The following DEFB119 variants were observed in gnomAD, a reference collection of about 807,000 sequenced individuals.
DEFB119 encodes the protein defensin beta 119.
DEFB119 carries 3 observed loss-of-function variants against 2.5 expected under a neutral mutation model. The observed-to-expected ratio is 1.19, with a 90% CI of 0.54 to 3.07. The LOEUF (loss-of-function observed/expected upper bound fraction) is 3.07, where lower values mean the gene tolerates loss of function less well. Ranked by LOEUF, DEFB119 falls within the 30% of genes most tolerant of loss-of-function variation. The pLI is 0.03. For missense variants in DEFB119, 113 were observed against 101.1 expected (o/e 1.12, Z -0.50); for synonymous variants, 29 against 33.7 (o/e 0.86, Z 0.48).
chr20:31,383,029 G>C (rs890344770), intron 1 of DEFB119, among the ~76,000 whole-genome samples: 29 of 152,228 alleles, frequency 1.9e-4, no homozygotes, highest in Admixed American at 1.4e-3. Flanking sequence ...CCAGTAAACA[G>C]AGAAAGAAAT....
chr20:31,378,275 C>A, intron 1 of DEFB119: 1 of 1,607,548 alleles, frequency 6.2e-7, no homozygotes, highest in African/African-American at 1.3e-5. Context: ...GACTTGGAGG[C>A]CACACGGGGA....
intron 1 of DEFB119, chr20:31,378,533 A>G: frequency 7.3e-7 from 1 of 1,362,582 alleles, no homozygotes; most frequent in South Asian, 1.4e-5. Flanking sequence ...TTAATGAAAA[A>G]AAAGACAATC....
chr20:31,385,483 A>G (rs1053481728), intron 1 of DEFB119, among the ~76,000 whole-genome samples: 7 of 152,104 alleles, frequency 4.6e-5, no homozygotes, highest in Admixed American at 2.6e-4. Context: ...TAAGTAAGAT[A>G]GAGATAATAA....
In DEFB119 at chr20:31,377,464, T is replaced by C. The variant is rs3817876; in HGVS notation, c.62-25A>G. On this transcript the variant is annotated intron_variant, in intron 1 of 1. Transcript: ENST00000376321. ...CCTGCCAAAGGAAAAAAAATACAAA[T>C]AGTTAATTCACCTAGGAGTGACATA... is the stretch of plus-strand genomic sequence containing the variant. 1,357 of 1,604,000 alleles carry C rather than the reference T, an allele frequency of 8.5e-4. 23 individuals are homozygous for C. The East Asian group carries it at 0.027, about 32-fold the overall frequency.
chr20:31,389,295 G>A (rs1385236846), intron 1 of DEFB119: 12 of 1,604,376 alleles, frequency 7.5e-6, no homozygotes, highest in Non-Finnish European at 1.0e-5. Flanking sequence ...GAAAAGACAA[G>A]GCAGAGGAGG....
chr20:31,381,902 A>G (rs1004663118), intron 1 of DEFB119, among the ~76,000 whole-genome samples: 2 of 152,228 alleles, frequency 1.3e-5, no homozygotes, highest in African/African-American at 4.8e-5. Context: ...ATGTCAAGTG[A>G]CAAAGCTATA....
intron 1 of DEFB119, among the ~76,000 whole-genome samples, chr20:31,386,555 T>C (rs1986709718): frequency 6.6e-6 from 1 of 152,174 alleles, no homozygotes; most frequent in Non-Finnish European, 1.5e-5. Context: ...ATAAACCAGA[T>C]ACAGAAAGAT....
Position 31,377,243 on chromosome 20 carries a change from C to A in DEFB119, c.*3G>T. 1 of 1,606,364 alleles carries A rather than the reference C, an allele frequency of 6.2e-7. No individual in the cohort carries two copies. Among genetic ancestry groups the A allele is most frequent in the Admixed American group, 1.7e-5 (1 of 58,982 alleles). On this transcript the variant is annotated 3_prime_UTR_variant, in exon 2 of 2. Coordinates refer to ENST00000376321, the MANE Select transcript of DEFB119 (RefSeq NM_153289.4). ...AGAGCTTGAGAATGGTAATCACCAG[C>A]ACTCAAGGTAGTCTTGGCCACTGCT... is the stretch of plus-strand genomic sequence containing the variant.
At chr20:31,378,542 T>G in intron 1 of DEFB119, 1 of 1,288,832 alleles carries the variant, frequency 7.8e-7, no homozygotes, top group South Asian at 1.5e-5. Flanking sequence ...AAAAAGACAA[T>G]CAACAGAACT....
At chr20:31,380,028 G>A (rs576242444) in intron 1 of DEFB119, among the ~76,000 whole-genome samples, 1 of 152,208 alleles carries the variant, frequency 6.6e-6, no homozygotes, top group Admixed American at 6.5e-5. Context: ...CAGATATATG[G>A]TTTGAAAATA....
chr20:31,389,269 A>T, intron 1 of DEFB119: 1 of 1,613,216 alleles, frequency 6.2e-7, no homozygotes, highest in Non-Finnish European at 8.5e-7. Flanking sequence ...AGATGTTAGT[A>T]TCCCTCAAGC....
At position 31,377,375 on chromosome 20, in the gene DEFB119, G is replaced by T; in HGVS notation, c.126C>A (p.Asn42Lys). Residue 42 changes from asparagine (N) to lysine (K), a missense_variant, in exon 2 of 2, where the codon AAC (asparagine) becomes AAA (lysine). Physicochemically the swap from Asn to Lys is moderately conservative, Grantham distance 94 (BLOSUM62 0). Coordinates refer to ENST00000376321, the MANE Select transcript of DEFB119 (RefSeq NM_153289.4). ...SGICRASCKK[N>K]EQPYLYCRNC... ...TTCTGCAATAGAGGTAGGGCTGTTCGTTCTTTTTGCAAGAGGCCCTACAAA... is the reference window on the plus strand; with the variant it reads ...TTCTGCAATAGAGGTAGGGCTGTTCTTTCTTTTTGCAAGAGGCCCTACAAA... 1 of 1,614,010 alleles carries T rather than the reference G, an allele frequency of 6.2e-7. No homozygotes were observed. Among genetic ancestry groups the T allele is most frequent in the Non-Finnish European group, 8.5e-7 (1 of 1,179,952 alleles).
chr20:31,384,281 G>T (rs1325422306), intron 1 of DEFB119, among the ~76,000 whole-genome samples: 1 of 152,152 alleles, frequency 6.6e-6, no homozygotes, highest in African/African-American at 2.4e-5. Flanking sequence ...ATAACTAAAA[G>T]AGTATAATTG....
chr20:31,390,641 CAG>C, upstream of DEFB119: 1 of 624,584 alleles, frequency 1.6e-6, no homozygotes, highest in South Asian at 2.1e-5. Flanking sequence ...GGCCAAAGGA[CAG>C]TGTGTAGCAG....
At chr20:31,383,677 G>A (rs566609003) in intron 1 of DEFB119, among the ~76,000 whole-genome samples, 17 of 151,306 alleles carry the variant, frequency 1.1e-4, no homozygotes, top group African/African-American at 2.2e-4. Flanking sequence ...ACCCCATCTC[G>A]ACTAAAAATA....
At chr20:31,383,806 G>C (rs1329576927) in intron 1 of DEFB119, among the ~76,000 whole-genome samples, 1 of 152,066 alleles carries the variant, frequency 6.6e-6, no homozygotes, top group Non-Finnish European at 1.5e-5. Flanking sequence ...TCCCACCACT[G>C]CACTGCAGCC....
chr20:31,388,978 A>C, intron 1 of DEFB119: 1 of 1,601,766 alleles, frequency 6.2e-7, no homozygotes, highest in South Asian at 1.1e-5. Flanking sequence ...CAAATTTGTG[A>C]GTTTTAATGA....
rs1986776745 is a variant in DEFB119 at position 31,388,027 on chromosome 20, C to T, written c.61+2396G>A. ...TTACCGAGCACTCTTGGTCCCTGGC[C>T]TCACTGCAGAGGACGCAGTTCAGGG... is the stretch of plus-strand genomic sequence containing the variant. On this transcript the variant is annotated intron_variant, in intron 1 of 1. Coordinates refer to ENST00000376321, the MANE Select transcript of DEFB119 (RefSeq NM_153289.4). 18 of 982,848 alleles carry T rather than the reference C, an allele frequency of 1.8e-5. No individual in the cohort carries two copies. In the South Asian group the frequency reaches 8.5e-4, roughly 46 times the overall value. 60.9% of individuals were successfully genotyped at this position (982,848 alleles called of 1,614,324 possible). A position where few individuals can be genotyped will look rare whatever the true frequency, so the allele number is the denominator to read the frequency against.
At chr20:31,386,215 T>C (rs1269532818) in intron 1 of DEFB119, among the ~76,000 whole-genome samples, 1 of 152,106 alleles carries the variant, frequency 6.6e-6, no homozygotes. Flanking sequence ...AGAATCCCTC[T>C]AATAATAGAG....
Sources: allele counts gnomAD v4.1 joint callset (sites outside exome capture counted in the v4.1 genomes callset), GRCh38; gene constraint gnomAD v4.1.1; transcripts MANE v1.5; gene names NCBI Gene and HGNC (gene_info 2026-07-23, HGNC 2026-07-21).